Variants in PUM2 observed in about 807,000 individuals in gnomAD.
PUM2 encodes pumilio RNA binding family member 2, also known as pumilio homolog 2.
A neutral mutation model predicts 124.5 loss-of-function variants in PUM2; 57 were observed. That is an observed-to-expected ratio of 0.46 (90% confidence interval 0.37 to 0.57). PUM2 has a LOEUF of 0.57. Ranked by LOEUF, PUM2 falls within the 20% of genes least tolerant of loss-of-function variation. The pLI, the probability that PUM2 is intolerant of heterozygous loss-of-function variation, is 0.00. For missense variants in PUM2, 1,065 were observed against 1,290.6 expected (o/e 0.83, Z 2.68); for synonymous variants, 460 against 446.1 (o/e 1.03, Z -0.39).
Position 20,251,205 on chromosome 2 carries a change from T to G in PUM2, c.*380A>C. 5.7e-6 allele frequency: 1 copy of G among 174,316 alleles called. No individual in the cohort carries two copies. The highest frequency in any genetic ancestry group is 1.2e-5 in the Non-Finnish European group (1 of 81,112). 10.8% of individuals were successfully genotyped at this position (174,316 alleles called of 1,614,324 possible). ...CTATGGGGTTGTAGACCTACCAGAC[T>G]GTGAGCCAGTTTATTAAAAGAATAC... On this transcript the variant is annotated 3_prime_UTR_variant, in exon 21 of 21. Coordinates refer to ENST00000361078, the MANE Select transcript of PUM2 (RefSeq NM_015317.5).
intron 13 of PUM2, among the ~76,000 whole-genome samples, chr2:20,264,698 T>G (rs941733937): frequency 6.6e-6 from 1 of 152,116 alleles, no homozygotes; most frequent in African/African-American, 2.4e-5. Context: ...ATCATGCTAT[T>G]ATTATATGCA....
intron 13 of PUM2, among the ~76,000 whole-genome samples, chr2:20,271,420 T>G (rs1668986014): frequency 1.3e-5 from 2 of 152,106 alleles, no homozygotes; most frequent in African/African-American, 4.8e-5. Context: ...TTCAAGCGAT[T>G]CTCCCACTTC....
chr2:20,267,712 T>TATGGTCCA (rs140194498), intron 13 of PUM2, among the ~76,000 whole-genome samples: 1 of 152,204 alleles, frequency 6.6e-6, no homozygotes, highest in African/African-American at 2.4e-5. Flanking sequence ...ATGAGGTCAC[T>TATGGTCCA]ATGGTCCAAT....
rs1281653078 is a variant in PUM2, at chr2:20,255,312, G to A, written c.2652C>T (p.Gly884=). The A allele has an allele frequency of 6.2e-7, 1 of 1,612,412 alleles. No homozygotes were observed. Among genetic ancestry groups the A allele is most frequent in the Admixed American group, 1.7e-5 (1 of 60,002 alleles). ...CTAGGATGCGCTGAATTACTCTGCA[G>A]CCATAAGGATGAGTTGAAAGCACAA... ...QVFVLSTHPY[G]CRVIQRILEH... The change falls in exon 18 of 21, where the codon GGC becomes GGT. Residue 884 remains glycine (G), a synonymous_variant. Transcript: ENST00000361078.
intron 13 of PUM2, among the ~76,000 whole-genome samples, chr2:20,264,617 A>C (rs1365731741): frequency 1.3e-5 from 2 of 151,920 alleles, no homozygotes; most frequent in African/African-American, 4.8e-5. Flanking sequence ...GTCCTTTTAA[A>C]AAAGAAAAAT....
At chr2:20,331,131 GAA>G (rs201576911) in intron 1 of PUM2, among the ~76,000 whole-genome samples, 1 of 143,386 alleles carries the variant, frequency 7.0e-6, no homozygotes. Flanking sequence ...TTGGGGAGAG[GAA>G]AAAAAAAAAA....
intron 13 of PUM2, among the ~76,000 whole-genome samples, chr2:20,267,056 T>C (rs1386198878): frequency 6.6e-6 from 1 of 150,876 alleles, no homozygotes; most frequent in Non-Finnish European, 1.5e-5. Context: ...CAGGTCTCAC[T>C]CTGTCACCCA....
In PUM2 at chr2:20,249,751, C is replaced by A. The variant is rs1662855385; in HGVS notation, c.*1834G>T. The A allele has an allele frequency of 6.6e-6, 1 of 152,560 alleles. No individual in the cohort carries two copies. The highest frequency in any genetic ancestry group is 1.5e-5 in the Non-Finnish European group (1 of 68,036). The allele number at this position is 152,560 out of a possible 1,614,324, so 9.5% of individuals were successfully genotyped here. A position where few individuals can be genotyped will look rare whatever the true frequency, so the allele number is the denominator to read the frequency against. On this transcript the variant is annotated 3_prime_UTR_variant, in exon 21 of 21. Coordinates refer to ENST00000361078, the MANE Select transcript of PUM2 (RefSeq NM_015317.5). ...TTTTCAGCACTGAACATAAGTGGGT[C>A]AACATAAATGTTTATACAAAATACT...
In PUM2 at chr2:20,254,910, G is replaced by A. The variant is rs199730326; in HGVS notation, c.2823C>T (p.Ser941=). ...GGGCTAAAACCTTTCCCCTGATTTC[G>A]GAAACAATTTTGCTCTTGTCTTCAG... ...GRPEDKSKIV[S]EIRGKVLALS... Residue 941 remains serine (S), a synonymous_variant, in exon 19 of 21, where the codon TCC becomes TCT. Coordinates refer to ENST00000361078, the MANE Select transcript of PUM2 (RefSeq NM_015317.5). The A allele has an allele frequency of 2.9e-5, 46 of 1,613,746 alleles. No individual in the cohort carries two copies. Among genetic ancestry groups the A allele is most frequent in the African/African-American group, 4.0e-5 (3 of 74,870 alleles).
chr2:20,288,585 G>A (rs1056123925), intron 10 of PUM2, among the ~76,000 whole-genome samples: 1 of 152,104 alleles, frequency 6.6e-6, no homozygotes, highest in Non-Finnish European at 1.5e-5. Context: ...AAAGATTCAA[G>A]ACGGAAAAAC....
intron 13 of PUM2, among the ~76,000 whole-genome samples, chr2:20,263,944 T>A (rs1227246573): frequency 6.6e-6 from 1 of 152,160 alleles, no homozygotes; most frequent in Non-Finnish European, 1.5e-5. Context: ...AATCAATTCT[T>A]ACCATCATAC....
chr2:20,335,271 G>C (rs57141481), intron 1 of PUM2, among the ~76,000 whole-genome samples: 6 of 152,096 alleles, frequency 3.9e-5, no homozygotes, highest in African/African-American at 7.2e-5. Flanking sequence ...TGGTATCTAC[G>C]GCAAACAAAC....
intron 1 of PUM2, 30 bp from the exon 2 acceptor site, chr2:20,327,408 C>T (rs757777453): frequency 1.4e-5 from 19 of 1,370,498 alleles, no homozygotes; most frequent in Admixed American, 1.9e-5. Context: ...AAAATTAGTA[C>T]AAAGAAATGT....
intron 2 of PUM2, among the ~76,000 whole-genome samples, chr2:20,319,963 G>A (rs1681907843): frequency 6.6e-6 from 1 of 152,142 alleles, no homozygotes; most frequent in Non-Finnish European, 1.5e-5. Flanking sequence ...GGCCAAGAGA[G>A]CAAGAACTAA....
At chr2:20,327,964 G>A (rs999570868) in intron 1 of PUM2, among the ~76,000 whole-genome samples, 4 of 152,180 alleles carry the variant, frequency 2.6e-5, no homozygotes, top group African/African-American at 2.4e-5. Context: ...CTCAATTAAG[G>A]CTAAAAGAAT....
intron 3 of PUM2, among the ~76,000 whole-genome samples, chr2:20,313,287 G>A (rs1680087331): frequency 6.6e-6 from 1 of 152,184 alleles, no homozygotes; most frequent in Non-Finnish European, 1.5e-5. Flanking sequence ...ACAGAATTTG[G>A]GAGAAAACTT....
At chr2:20,344,187 C>G (rs1372974263) in intron 1 of PUM2, among the ~76,000 whole-genome samples, 1 of 152,170 alleles carries the variant, frequency 6.6e-6, no homozygotes, top group African/African-American at 2.4e-5. Flanking sequence ...CGCGCCTCAG[C>G]CTCCCAGGTA....
Position 20,251,542 on chromosome 2 carries a change from T to G in PUM2, c.*43A>C. The G allele has an allele frequency of 6.4e-7, 1 of 1,565,602 alleles. No homozygotes were observed. The highest frequency in any genetic ancestry group is 8.7e-7 in the Non-Finnish European group (1 of 1,153,330). On this transcript the variant is annotated 3_prime_UTR_variant, in exon 21 of 21. Transcript: ENST00000361078. Reference sequence around the variant, plus strand: ...TGATAATTCACACACAAAAAAATTCTTTTCACATGGTTAAATTATCTTCTT... The same window carrying G: ...TGATAATTCACACACAAAAAAATTCGTTTCACATGGTTAAATTATCTTCTT...
At chr2:20,326,629 T>A (rs1419957869) in intron 2 of PUM2, among the ~76,000 whole-genome samples, 5 of 152,180 alleles carry the variant, frequency 3.3e-5, no homozygotes, top group Non-Finnish European at 4.4e-5. Flanking sequence ...TTTGATGCCT[T>A]AAAATATATA....
Sources: allele counts gnomAD v4.1 joint callset (sites outside exome capture counted in the v4.1 genomes callset), GRCh38; gene constraint gnomAD v4.1.1; transcripts MANE v1.5; gene names NCBI Gene and HGNC (gene_info 2026-07-23, HGNC 2026-07-21).